The following SI variants were observed in gnomAD, a reference collection of about 807,000 sequenced individuals.
SI encodes sucrase-isomaltase, intestinal.
Under a neutral mutation model 253.3 loss-of-function variants are expected in SI, and 235 were observed. That is an observed-to-expected ratio of 0.93 (90% CI 0.83 to 1.03). SI has a LOEUF of 1.03. Among genes scored for constraint, SI ranks in the 50% least tolerant of loss-of-function variants. SI has a pLI of 0.00. For synonymous variants in SI, 819 were observed against 712.0 expected (o/e 1.15, Z -2.39); for missense variants, 2,442 against 2,211.1 (o/e 1.10, Z -2.09).
At chr3:165,058,890 A>G (rs984586495) in intron 12 of SI, 73 bp downstream of exon 12, 2 of 1,256,220 alleles carry the variant, frequency 1.6e-6, no homozygotes, top group Non-Finnish European at 2.3e-6. Flanking sequence ...ACACACACGC[A>G]CATCCACAGA....
At chr3:165,009,683 G>C (rs1044090191) in intron 34 of SI, among the ~76,000 whole-genome samples, 1 of 152,060 alleles carries the variant, frequency 6.6e-6, no homozygotes, top group African/African-American at 2.4e-5. Flanking sequence ...AGAGTAATGG[G>C]GAAGCTTTTT....
Position 165,074,558 on chromosome 3 carries a change from G to A in SI, c.228C>T (p.Asn76=). ...CTGTTGGGAATTGTTCTGGAATGCA[G>A]TTTATTCTCACATTGACAGGATCAT... ...VLNDPVNVRI[N]CIPEQFPTEG... The change falls in exon 3 of 48, where the codon AAC becomes AAT. Residue 76 remains asparagine, a synonymous_variant. Transcript: ENST00000264382. The A allele has an allele frequency of 6.2e-7, 1 of 1,608,892 alleles. No individual in the cohort carries two copies. Among genetic ancestry groups the A allele is most frequent in the South Asian group, 1.1e-5 (1 of 90,590 alleles).
rs544455564 is a variant in SI, at chr3:165,037,550, T to A, written c.2426+350A>T. ...TTGGGATTTATGTATGTATGGAAAT[T>A]CAAATATGTAAAAATTAACAAATAC... On this transcript the variant is annotated intron_variant, in intron 21 of 47. Transcript: ENST00000264382. 7.2e-5 allele frequency among the ~76,000 whole-genome samples: 11 copies of A among 152,104 alleles called. No individual in the cohort carries two copies. In the East Asian group the frequency reaches 2.1e-3, roughly 29 times the overall value.
At chr3:165,060,363 A>G (rs191348744) in intron 9 of SI, among the ~76,000 whole-genome samples, 1 of 152,138 alleles carries the variant, frequency 6.6e-6, no homozygotes, top group African/African-American at 2.4e-5. Context: ...CAACAAATAA[A>G]TAACAAAAGG....
rs186368497 is a variant in SI, at chr3:164,982,933, G to A, written c.5247+69C>T. On this transcript the variant is annotated intron_variant, in intron 46 of 47. Coordinates refer to ENST00000264382, the MANE Select transcript of SI (RefSeq NM_001041.4). ...CCCAATGAACTAGGATTACAGGCATGAGCCACCCCACCCAGCTGTGAACTT... is the reference window on the plus strand; with the variant it reads ...CCCAATGAACTAGGATTACAGGCATAAGCCACCCCACCCAGCTGTGAACTT... 151 of 1,460,716 alleles carry A rather than the reference G, an allele frequency of 1.0e-4. 1 individual carries two copies. Among genetic ancestry groups the A allele is most frequent in the Non-Finnish European group, 1.3e-4 (141 of 1,065,006 alleles). 90.5% of individuals were successfully genotyped at this position (1,460,716 alleles called of 1,614,324 possible).
chr3:165,021,482 G>T (rs1170826161), intron 26 of SI, 99 bp from the exon 27 acceptor site: 2 of 946,258 alleles, frequency 2.1e-6, no homozygotes, highest in East Asian at 2.4e-5. Flanking sequence ...AGAATATTTA[G>T]AATTTTTCTC....
At chr3:165,009,225 A>G (rs1718656168) in intron 35 of SI, 54 bp downstream of exon 35, 1 of 1,182,286 alleles carries the variant, frequency 8.5e-7, no homozygotes, top group Middle Eastern at 1.9e-4. Flanking sequence ...CTAATTTTGC[A>G]TAATCACTGC....
At chr3:165,048,664 C>T (rs1300120558) in intron 15 of SI, among the ~76,000 whole-genome samples, 2 of 151,134 alleles carry the variant, frequency 1.3e-5, no homozygotes, top group Non-Finnish European at 2.9e-5. Context: ...GTCACCCAGG[C>T]TGGAGTGCAG....
chr3:165,071,269 T>C (rs1051383359), intron 3 of SI, among the ~76,000 whole-genome samples: 4 of 152,014 alleles, frequency 2.6e-5, no homozygotes, highest in African/African-American at 9.7e-5. Context: ...ATATTAGTAA[T>C]TTTAATTTAT....
At chr3:165,007,251 T>C (rs1237085031) in intron 36 of SI, among the ~76,000 whole-genome samples, 1 of 152,130 alleles carries the variant, frequency 6.6e-6, no homozygotes, top group Non-Finnish European at 1.5e-5. Flanking sequence ...AAAATTCACT[T>C]GGTATCATAA....
the SI span, among the ~76,000 whole-genome samples, chr3:165,084,875 A>G: frequency 3.3e-5 from 5 of 152,238 alleles, no homozygotes; most frequent in Admixed American, 1.3e-4. Flanking sequence ...CACAAATAAC[A>G]GTAAACATAA....
chr3:165,023,750 C>T lies in SI; in HGVS notation c.2919G>A (p.Glu973=), dbSNP rs1406887700. 2 of 1,610,228 alleles carry T rather than the reference C, an allele frequency of 1.2e-6. No homozygotes were observed. The highest frequency in any genetic ancestry group is 2.2e-5 in the South Asian group (2 of 91,040). ...AGTTATCTTGTCTGGGAAAGTAACA[C>T]TCAGGTGCTTTGGATAGAGAAGAAC... ...RTGSSLSKAP[E]CYFPRQDNSY... Residue 973 remains glutamate (E), a synonymous_variant, in exon 26 of 48, where the codon GAG becomes GAA. Coordinates refer to ENST00000264382, the MANE Select transcript of SI (RefSeq NM_001041.4).
chr3:165,021,377 C>A lies in SI; in HGVS notation c.3106G>T (p.Asp1036Tyr), dbSNP rs772546838. 1 of 1,609,550 alleles carries A rather than the reference C, an allele frequency of 6.2e-7. No individual in the cohort carries two copies. The highest frequency in any genetic ancestry group is 8.5e-7 in the Non-Finnish European group (1 of 1,176,730). The change falls in exon 27 of 48, where the codon GAT becomes TAT. Residue 1036 changes from aspartate (D) to tyrosine (Y), a missense_variant. Transcript: ENST00000264382. The stretch of plus-strand genomic sequence containing the variant: ...ACTTCATATCTCTTCTTTTGGGGAT[C>A]ATAAATCTATTGCAGATAAGTAGTA... Reference protein sequence around the residue: ...KNDMLQFKIYDPQKKRYEVPV... With the variant: ...KNDMLQFKIYYPQKKRYEVPV...
chr3:165,055,423 G>C (rs1713647828), intron 12 of SI, 116 bp from the exon 13 acceptor site: 1 of 623,856 alleles, frequency 1.6e-6, no homozygotes, highest in East Asian at 2.9e-5. Flanking sequence ...TACTTCTTTA[G>C]GTATATGTGA....
intron 17 of SI, among the ~76,000 whole-genome samples, chr3:165,042,234 C>T (rs550935901): frequency 1.9e-4 from 29 of 152,192 alleles, no homozygotes; most frequent in African/African-American, 6.7e-4. Context: ...AGTATCATTT[C>T]GGTGTATTAG....
At position 164,989,351 on chromosome 3, in the gene SI, A is replaced by G. The variant is rs545371374; in HGVS notation, c.5108+2002T>C. 4.2e-5 allele frequency among the ~76,000 whole-genome samples: 6 copies of G among 143,224 alleles called. No homozygotes were observed. In the South Asian group the frequency reaches 6.6e-4, roughly 16 times the overall value. 94.0% of individuals were successfully genotyped at this position (143,224 alleles called of 152,430 possible). Reference sequence around the variant, plus strand: ...AAGACTCTGTCAAAAAAAAGAGAGAAAGAAGAAAGAAAGAAAGAAAGGAAG... The same window carrying G: ...AAGACTCTGTCAAAAAAAAGAGAGAGAGAAGAAAGAAAGAAAGAAAGGAAG... On this transcript the variant is annotated intron_variant, in intron 44 of 47. Transcript: ENST00000264382.
chr3:164,996,546 C>T lies in SI; in HGVS notation c.4681G>A (p.Ala1561Thr), dbSNP rs768264563. Reference sequence around the variant, plus strand: ...TAGTAATTACATACTCTAGTATTTGCAATGTTGTGATTCCTTGAGTATGGA... The same window carrying T: ...TAGTAATTACATACTCTAGTATTTGTAATGTTGTGATTCCTTGAGTATGGA... ...FYPYSRNHNIANTRRQDPASW... is the reference protein window; with the variant it reads ...FYPYSRNHNITNTRRQDPASW... The change falls in exon 40 of 48, where the codon GCA becomes ACA. Residue 1561 changes from alanine (A) to threonine (T), a missense_variant. By Grantham distance (58) the Ala-to-Thr change is moderately conservative (BLOSUM62 0). Coordinates refer to ENST00000264382, the MANE Select transcript of SI (RefSeq NM_001041.4). The T allele has an allele frequency of 3.3e-6, 5 of 1,528,068 alleles. No individual in the cohort carries two copies. The highest frequency in any genetic ancestry group is 4.5e-6 in the Non-Finnish European group (5 of 1,102,272). 94.7% of individuals were successfully genotyped at this position (1,528,068 alleles called of 1,614,324 possible). A position where few individuals can be genotyped will look rare whatever the true frequency, so the allele number is the denominator to read the frequency against.
rs200932091 is a variant in SI, at chr3:165,019,611, T to C, written c.3414A>G (p.Gln1138=). 2 of 1,612,162 alleles carry C rather than the reference T, an allele frequency of 1.2e-6. No individual in the cohort carries two copies. Among genetic ancestry groups the C allele is most frequent in the East Asian group, 2.2e-5 (1 of 44,792 alleles). The change falls in exon 28 of 48, where the codon CAA becomes CAG. Residue 1138 remains glutamine (Q), a synonymous_variant. Transcript: ENST00000264382. ...WNTWGMFTRD[Q]PPGYKLNSYG... is the part of the protein sequence containing the mutation. ...ATATGTTGGTACCTACACCAGGGGG[T>C]TGGTCTCTTGTGAACATTCCCCAAG...
intron 7 of SI, among the ~76,000 whole-genome samples, chr3:165,064,872 G>A (rs1714160694): frequency 6.6e-6 from 1 of 152,092 alleles, no homozygotes; most frequent in Non-Finnish European, 1.5e-5. Context: ...AGAGATGCGT[G>A]AGATAATATC....
Sources: gnomAD v4.1 joint callset for allele counts (sites outside exome capture counted in the v4.1 genomes callset) on GRCh38, gnomAD v4.1.1 for gene constraint, MANE v1.5 for transcripts, NCBI Gene and HGNC (gene_info 2026-07-23, HGNC 2026-07-21) for gene names.